CTNNBL1: variants seen among roughly 807,000 people sequenced by gnomAD.
CTNNBL1 encodes catenin beta like 1.
Under a neutral mutation model 72.7 loss-of-function variants are expected in CTNNBL1, and 31 were observed. The observed-to-expected ratio is 0.43, with a 90% CI of 0.32 to 0.58. The LOEUF is 0.58. CTNNBL1 is among the 20% of genes least tolerant of loss of function. CTNNBL1 has a pLI of 0.08. For missense variants in CTNNBL1, 534 were observed against 725.1 expected (o/e 0.74, Z 3.03); for synonymous variants, 240 against 267.3 (o/e 0.90, Z 1.00).
At chr20:37,713,502 C>T (rs1011424008) in intron 1 of CTNNBL1, among the ~76,000 whole-genome samples, 1 of 152,150 alleles carries the variant, frequency 6.6e-6, no homozygotes, top group Non-Finnish European at 1.5e-5. Context: ...TTGTGTGAGG[C>T]AGAGGCACCT....
At chr20:37,843,777 A>G (rs961358553) in intron 13 of CTNNBL1, among the ~76,000 whole-genome samples, 8 of 152,238 alleles carry the variant, frequency 5.3e-5, no homozygotes, top group Admixed American at 2.0e-4. Context: ...GCAGATAGGT[A>G]GCTGTGCTTT....
At chr20:37,809,921 G>T (rs1288234908) in intron 11 of CTNNBL1, among the ~76,000 whole-genome samples, 1 of 152,136 alleles carries the variant, frequency 6.6e-6, no homozygotes, top group Non-Finnish European at 1.5e-5. Flanking sequence ...ACACATGCTG[G>T]TCATTAAGAG....
chr20:37,783,612 T>C (rs1331440038), intron 10 of CTNNBL1, among the ~76,000 whole-genome samples: 3 of 152,216 alleles, frequency 2.0e-5, no homozygotes, highest in Non-Finnish European at 2.9e-5. Context: ...AATTTCTTCA[T>C]TGGCCCACTG....
At chr20:37,694,276 C>A in intron 1 of CTNNBL1, 124 bp downstream of exon 1, 1 of 821,964 alleles carries the variant, frequency 1.2e-6, no homozygotes, top group Non-Finnish European at 1.8e-6. Flanking sequence ...TCATGCCACC[C>A]GGGGTCTCAG....
intron 4 of CTNNBL1, among the ~76,000 whole-genome samples, chr20:37,747,832 C>T (rs2073281462): frequency 6.6e-6 from 1 of 152,100 alleles, no homozygotes; most frequent in African/African-American, 2.4e-5. Context: ...TTGCCTCAGC[C>T]TCTGGAGTAG....
chr20:37,821,122 T>C (rs1390220976), intron 11 of CTNNBL1, among the ~76,000 whole-genome samples: 1 of 152,224 alleles, frequency 6.6e-6, no homozygotes, highest in African/African-American at 2.4e-5. Flanking sequence ...ACTGAGATGC[T>C]CTTTTACCCA....
At chr20:37,770,082 T>C (rs2073508678) in intron 7 of CTNNBL1, among the ~76,000 whole-genome samples, 1 of 152,224 alleles carries the variant, frequency 6.6e-6, no homozygotes, top group African/African-American at 2.4e-5. Context: ...GTCAGTAAAC[T>C]CTAACTCCCT....
chr20:37,750,030 G>A (rs1191174001), intron 4 of CTNNBL1: 1 of 152,154 alleles, frequency 6.6e-6, no homozygotes, highest in Non-Finnish European at 1.5e-5. Context: ...GCAAGCACAG[G>A]TCATCTTTGC....
rs182279757 is a variant in CTNNBL1 at position 37,732,914 on chromosome 20, A to G, written c.66A>G (p.Glu22=). The stretch of plus-strand genomic sequence containing the variant: ...GCACAAAACGTCCCCGGGATGATGA[A>G]GAGGAGGAGCAGAAGATGCGTCGGA... ...NRGTKRPRDD[E]EEEQKMRRKQ... Residue 22 remains glutamate, a synonymous_variant, in exon 2 of 16, where the codon GAA becomes GAG. Transcript: ENST00000361383. 5 of 1,613,944 alleles carry G rather than the reference A, an allele frequency of 3.1e-6. No individual in the cohort carries two copies. In the African/African-American group the frequency reaches 5.3e-5, roughly 17 times the overall value.
In CTNNBL1 at chr20:37,746,459, C is replaced by G. The variant is rs781162428; in HGVS notation, c.327-9C>G. On this transcript the variant is annotated splice_polypyrimidine_tract_variant and intron_variant, in intron 3 of 15. Transcript: ENST00000361383. The stretch of plus-strand genomic sequence containing the variant: ...TTTCCTTCTAATGATGTCTTGTTTT[C>G]CCTCCTAGGTTCATGGAATCCGAGC... The G allele has an allele frequency of 2.5e-6, 4 of 1,609,158 alleles. No individual in the cohort carries two copies. The East Asian group carries it at 8.9e-5, about 36-fold the overall frequency.
intron 1 of CTNNBL1, among the ~76,000 whole-genome samples, chr20:37,708,829 G>A (rs2072912335): frequency 6.6e-6 from 1 of 152,106 alleles, no homozygotes; most frequent in African/African-American, 2.4e-5. Flanking sequence ...AATATCTAGA[G>A]TCACTGAACT....
intron 15 of CTNNBL1, among the ~76,000 whole-genome samples, chr20:37,870,969 C>T (rs1237646986): frequency 6.6e-6 from 1 of 152,200 alleles, no homozygotes; most frequent in African/African-American, 2.4e-5. Context: ...TGACAGCCAC[C>T]TGTGTATTTT....
At chr20:37,698,271 C>T (rs909547177) in intron 1 of CTNNBL1, among the ~76,000 whole-genome samples, 5 of 152,326 alleles carry the variant, frequency 3.3e-5, no homozygotes, top group Middle Eastern at 3.4e-3. Context: ...TTGATCTCGC[C>T]AGCCTAGGGC....
chr20:37,810,394 C>G (rs2072000115), intron 11 of CTNNBL1, among the ~76,000 whole-genome samples: 1 of 152,200 alleles, frequency 6.6e-6, no homozygotes, highest in Admixed American at 6.5e-5. Flanking sequence ...TTCATTCCCA[C>G]CAGACTACAT....
In CTNNBL1 at chr20:37,694,079, G is replaced by A; in HGVS notation, c.-44G>A. 2 of 1,595,926 alleles carry A rather than the reference G, an allele frequency of 1.3e-6. No homozygotes were observed. Among genetic ancestry groups the A allele is most frequent in the Non-Finnish European group, 1.7e-6 (2 of 1,172,682 alleles). On this transcript the variant is annotated 5_prime_UTR_variant, in exon 1 of 16. Coordinates refer to ENST00000361383, the MANE Select transcript of CTNNBL1 (RefSeq NM_030877.5). ...GCCGCGGCTGACGGGCCCGCGGTCT[G>A]GGCGTGAGTGCAGGGAAGTGGAGTA...
At chr20:37,708,189 C>CTT (rs760708336) in intron 1 of CTNNBL1, among the ~76,000 whole-genome samples, 1 of 142,936 alleles carries the variant, frequency 7.0e-6, no homozygotes. Flanking sequence ...GATAGACTTT[C>CTT]TTTTTTTTTT....
intron 1 of CTNNBL1, among the ~76,000 whole-genome samples, chr20:37,708,808 A>G (rs562562971): frequency 3.4e-4 from 51 of 152,232 alleles, no homozygotes; most frequent in African/African-American, 1.2e-3. Flanking sequence ...TCCTTTCAAC[A>G]GCTACCCAGC....
At chr20:37,840,315 C>T in intron 12 of CTNNBL1, 116 bp downstream of exon 12, 1 of 720,452 alleles carries the variant, frequency 1.4e-6, no homozygotes, top group Non-Finnish European at 2.4e-6. Context: ...TCTTTTCTGG[C>T]ACCTGGGCCC....
At chr20:37,828,479 C>G (rs2072179923) in intron 11 of CTNNBL1, among the ~76,000 whole-genome samples, 1 of 152,100 alleles carries the variant, frequency 6.6e-6, no homozygotes, top group Non-Finnish European at 1.5e-5. Flanking sequence ...AGGTCACCTC[C>G]TAGCTGTGAG....
Sources: allele counts gnomAD v4.1 joint callset (sites outside exome capture counted in the v4.1 genomes callset), GRCh38; gene constraint gnomAD v4.1.1; transcripts MANE v1.5; gene names NCBI Gene and HGNC (gene_info 2026-07-23, HGNC 2026-07-21).